The following ZNF154 variants were observed in gnomAD, a reference collection of about 807,000 sequenced individuals.
ZNF154 encodes the protein zinc finger protein 154, also known as zinc finger protein 154 (pHZ-92).
A neutral mutation model predicts 7.5 loss-of-function variants in ZNF154; 6 were observed. The observed-to-expected ratio is 0.80, with a 90% CI of 0.44 to 1.57. The LOEUF (loss-of-function observed/expected upper bound fraction) is 1.57. Among genes scored for constraint, ZNF154 ranks in the 40% most tolerant of loss-of-function variants. The pLI, the probability that ZNF154 is intolerant of heterozygous loss-of-function variation, is 0.01. For synonymous variants in ZNF154, 187 were observed against 185.9 expected, an observed-to-expected ratio of 1.01 and a Z score of -0.05; for missense variants, 485 against 531.4, an observed-to-expected ratio of 0.91 and a Z score of 0.86.
Position 57,702,734 on chromosome 19 carries a change from C to A in ZNF154, c.215G>T (p.Gly72Val). Reference sequence around the variant, plus strand: ...GCAGGTCTTCACAAACAAGGCTCTGCCCACATTGCTTCTGAAATGTTTTTC... The same window carrying A: ...GCAGGTCTTCACAAACAAGGCTCTGACCACATTGCTTCTGAAATGTTTTTC... ...LGEKHFRSNV[G>V]RALFVKTCTF... Residue 72 changes from glycine to valine, a missense_variant, in exon 3 of 3, where the codon GGC (glycine) becomes GTC (valine). Physicochemically the swap from Gly to Val is moderately radical, Grantham distance 109 (BLOSUM62 -3). Transcript: ENST00000684351. 6.2e-7 allele frequency: 1 copy of A among 1,605,716 alleles called. No homozygotes were observed. Among genetic ancestry groups the A allele is most frequent in the Non-Finnish European group, 8.5e-7 (1 of 1,173,208 alleles).
chr19:57,704,837 G>A lies in ZNF154; in HGVS notation c.160+16C>T. 6.2e-7 allele frequency: 1 copy of A among 1,608,322 alleles called. No individual in the cohort carries two copies. The highest frequency in any genetic ancestry group is 8.5e-7 in the Non-Finnish European group (1 of 1,178,314). On this transcript the variant is annotated intron_variant, in intron 2 of 2. Coordinates refer to ENST00000684351, the MANE Select transcript of ZNF154 (RefSeq NM_001085384.3). ...CAGACTAGCTCAGGGCACAGGAAAGGGTAAAAGAACCTTACCTAGAGAGGT... is the reference window on the plus strand; with the variant it reads ...CAGACTAGCTCAGGGCACAGGAAAGAGTAAAAGAACCTTACCTAGAGAGGT...
rs890959760 is a variant in ZNF154, at chr19:57,704,855, A to G, written c.158T>C (p.Leu53Pro). 1 of 1,612,312 alleles carries G rather than the reference A, an allele frequency of 6.2e-7. No homozygotes were observed. The highest frequency in any genetic ancestry group is 8.5e-7 in the Non-Finnish European group (1 of 1,179,440). Residue 53 changes from leucine to proline, a missense_variant and splice_region_variant, in exon 2 of 3, where the codon CTA (leucine) becomes CCA (proline). By Grantham distance (98) the Leu-to-Pro change is moderately conservative. Transcript: ENST00000684351. ...AGGAAAGGGTAAAAGAACCTTACCT[A>G]GAGAGGTTAAAAGAGCCAAGTTCTC... ...MLENLALLTS[L>P]DVHHQKQHLG...
intron 1 of ZNF154, among the ~76,000 whole-genome samples, chr19:57,706,378 A>G (rs1985392313): frequency 6.6e-6 from 1 of 152,156 alleles, no homozygotes; most frequent in African/African-American, 2.4e-5. Flanking sequence ...CTCAGCAGTA[A>G]CAACCTTCCT....
intron 1 of ZNF154, among the ~76,000 whole-genome samples, chr19:57,706,502 C>T (rs1289664946): frequency 6.6e-6 from 1 of 152,222 alleles, no homozygotes; most frequent in Non-Finnish European, 1.5e-5. Flanking sequence ...AATAAACACC[C>T]TAGGCCCCAT....
At position 57,701,884 on chromosome 19, in the gene ZNF154, C is replaced by A. The variant is rs561745534; in HGVS notation, c.1065G>T (p.Arg355Ser). The A allele has an allele frequency of 6.2e-7, 1 of 1,614,058 alleles. No individual in the cohort carries two copies. The highest frequency in any genetic ancestry group is 1.3e-5 in the African/African-American group (1 of 74,988). Residue 355 changes from arginine (R) to serine (S), a missense_variant, in exon 3 of 3, where the codon AGG (arginine) becomes AGT (serine). By Grantham distance (110) the Arg-to-Ser change is moderately radical. Transcript: ENST00000684351. Reference protein sequence around the residue: ...LQHRGVHTGERPYECSECGKF... With the variant: ...LQHRGVHTGESPYECSECGKF... ...TCCCACATTCACTGCACTCATAAGG[C>A]CTCTCCCCAGTGTGAACTCCCCGAT...
chr19:57,701,755 G>A lies in ZNF154; in HGVS notation c.1194C>T (p.Ser398=), dbSNP rs772585903. Residue 398 remains serine (S), a synonymous_variant, in exon 3 of 3, where the codon TCC becomes TCT. Transcript: ENST00000684351. ...GAACCCTCCTGTGCTTAATGAGGCC[G>A]GAATTTTGAGTAAAGGATTTCCCAC... ...SECGKSFTQN[S]GLIKHRRVHT... The A allele has an allele frequency of 1.5e-5, 24 of 1,612,780 alleles. 1 individual carries two copies. The highest frequency in any genetic ancestry group is 5.4e-5 in the African/African-American group (4 of 74,514).
Position 57,701,958 on chromosome 19 carries a change from A to C in ZNF154, c.991T>G (p.Cys331Gly), listed in dbSNP as rs1367823054. 1 of 1,612,600 alleles carries C rather than the reference A, an allele frequency of 6.2e-7. No individual in the cohort carries two copies. Among genetic ancestry groups the C allele is most frequent in the Non-Finnish European group, 8.5e-7 (1 of 1,179,826 alleles). ...CTAAAGGATTTCCCACATTCGCTGC[A>C]CTTATAAGGCCTTTCTCCAGTGTGA... ...RVHTGERPYKCSECGKSFSQR... is the reference protein window; with the variant it reads ...RVHTGERPYKGSECGKSFSQR... The change falls in exon 3 of 3, where the codon TGC becomes GGC. Residue 331 changes from cysteine (C) to glycine (G), a missense_variant. Physicochemically the swap from Cys to Gly is radical, Grantham distance 159. Coordinates refer to ENST00000684351, the MANE Select transcript of ZNF154 (RefSeq NM_001085384.3).
chr19:57,703,785 G>A (rs1410717733), intron 2 of ZNF154, among the ~76,000 whole-genome samples: 2 of 152,154 alleles, frequency 1.3e-5, no homozygotes, highest in African/African-American at 2.4e-5. Context: ...GCCAAGGTGG[G>A]TGGATCACAA....
At chr19:57,707,591 A>G (rs1351271152) in intron 1 of ZNF154, among the ~76,000 whole-genome samples, 1 of 152,124 alleles carries the variant, frequency 6.6e-6, no homozygotes, top group Non-Finnish European at 1.5e-5. Context: ...GGACCCTGTT[A>G]GGACTTTGGT....
rs749659652 is a variant in ZNF154 at position 57,701,655 on chromosome 19, G to A, written c.1294C>T (p.Gln432Ter). ...FSHNSSLIKH[Q>*]RIHSR The stretch of plus-strand genomic sequence containing the variant: ...GGCTTTTATCGACTATGAATTCTCT[G>A]ATGTTTAATAAGGCTGGAGTTATGG... Residue 432 changes from glutamine (Q) to a stop codon, truncating the protein, a stop_gained, in exon 3 of 3, where the codon CAG becomes TAG. Coordinates refer to ENST00000684351, the MANE Select transcript of ZNF154 (RefSeq NM_001085384.3). LOFTEE classifies it low-confidence loss of function (END_TRUNC). The A allele has an allele frequency of 1.9e-6, 3 of 1,612,284 alleles. No individual in the cohort carries two copies. In the Admixed American group the frequency reaches 5.0e-5, roughly 27 times the overall value.
rs766188861 is a variant in ZNF154, at chr19:57,701,821, C to G, written c.1128G>C (p.Gln376His). 5 of 1,614,168 alleles carry G rather than the reference C, an allele frequency of 3.1e-6. No homozygotes were observed. Among genetic ancestry groups the G allele is most frequent in the Non-Finnish European group, 3.4e-6 (4 of 1,180,032 alleles). The part of the protein sequence containing the change: ...FPYSSSLRKH[Q>H]RVHTGSRPYE... ...AGGGTCTTGATCCAGTGTGAACTCTCTGGTGTTTTCGGAGACTGGAGCTGT... is the reference window on the plus strand; with the variant it reads ...AGGGTCTTGATCCAGTGTGAACTCTGTGGTGTTTTCGGAGACTGGAGCTGT... Residue 376 changes from glutamine (Q) to histidine (H), a missense_variant, in exon 3 of 3, where the codon CAG becomes CAC. Gln to His is a conservative substitution (Grantham distance 24). Coordinates refer to ENST00000684351, the MANE Select transcript of ZNF154 (RefSeq NM_001085384.3).
At position 57,699,286 on chromosome 19, in the gene ZNF154, A is replaced by G. The variant is rs925937918; in HGVS notation, c.*2349T>C. 1 of 153,260 alleles carries G rather than the reference A, an allele frequency of 6.5e-6. No homozygotes were observed. The highest frequency in any genetic ancestry group is 2.4e-5 in the African/African-American group (1 of 40,834). 9.5% of individuals were successfully genotyped at this position (153,260 alleles called of 1,614,324 possible). On this transcript the variant is annotated 3_prime_UTR_variant, in exon 3 of 3. Transcript: ENST00000684351. The stretch of plus-strand genomic sequence containing the variant: ...TATTTTTAGTAGAGATGAGGTTTCA[A>G]TATGTTGGTCAGGCTGGTCTCTAAC...
rs745736899 is a variant in ZNF154 at position 57,702,112 on chromosome 19, C to G, written c.837G>C (p.Gly279=). Reference sequence around the variant, plus strand: ...GACTGGAATGATATGTAAAAAACTTCCCACATTCACTGCACTCATAAGGCC... The same window carrying G: ...GACTGGAATGATATGTAAAAAACTTGCCACATTCACTGCACTCATAAGGCC... ...GERPYECSEC[G]KFFTYHSSLI... The change falls in exon 3 of 3, where the codon GGG becomes GGC. Residue 279 remains glycine, a synonymous_variant. Coordinates refer to ENST00000684351, the MANE Select transcript of ZNF154 (RefSeq NM_001085384.3). The G allele has an allele frequency of 5.0e-6, 8 of 1,613,104 alleles. No individual in the cohort carries two copies. Among genetic ancestry groups the G allele is most frequent in the Non-Finnish European group, 6.8e-6 (8 of 1,179,898 alleles).
At position 57,709,010 on chromosome 19, in the gene ZNF154, G is replaced by A; in HGVS notation, c.-39C>T. 2 of 1,552,448 alleles carry A rather than the reference G, an allele frequency of 1.3e-6. No individual in the cohort carries two copies. The highest frequency in any genetic ancestry group is 1.7e-6 in the Non-Finnish European group (2 of 1,148,410). The stretch of plus-strand genomic sequence containing the variant: ...TAGAGCTGGGCCGGGAGCGACGGGC[G>A]ACATTGGTAGGGACCCGGGGACAGC... On this transcript the variant is annotated 5_prime_UTR_variant, in exon 1 of 3. Coordinates refer to ENST00000684351, the MANE Select transcript of ZNF154 (RefSeq NM_001085384.3).
chr19:57,705,042 C>A, intron 1 of ZNF154, 63 bp from the exon 2 acceptor site: 3 of 1,546,188 alleles, frequency 1.9e-6, no homozygotes, highest in Non-Finnish European at 2.6e-6. Flanking sequence ...ACAATGCATA[C>A]CCCCACATCT....
chr19:57,706,807 A>T (rs1411441671), intron 1 of ZNF154, among the ~76,000 whole-genome samples: 1 of 152,200 alleles, frequency 6.6e-6, no homozygotes, highest in Non-Finnish European at 1.5e-5. Flanking sequence ...CTGTACCACC[A>T]TGCCTAAAGA....
chr19:57,698,067 G>GAATATA lies in ZNF154; in HGVS notation c.*3567_*3568insTATATT, dbSNP rs1179513032. On this transcript the variant is annotated 3_prime_UTR_variant, in exon 3 of 3. Transcript: ENST00000684351. Reference sequence around the variant, plus strand: ...AAATATCCATAACAAATGAATGAATGAATAAACGAATACTGGTATATCCAC... The same window carrying GAATATA: ...AAATATCCATAACAAATGAATGAATGAATATAAATAAACGAATACTGGTATATCCAC... 3 of 151,854 alleles carry GAATATA rather than the reference G, an allele frequency of 2.0e-5. No homozygotes were observed. Among genetic ancestry groups the GAATATA allele is most frequent in the Non-Finnish European group, 4.4e-5 (3 of 67,948 alleles). 9.4% of individuals were successfully genotyped at this position (151,854 alleles called of 1,614,324 possible).
Position 57,699,413 on chromosome 19 carries a change from G to T in ZNF154, c.*2222C>A. The stretch of plus-strand genomic sequence containing the variant: ...GATTTTCTTACTTGAGTTCCCAATG[G>T]GTCGTAAAGCAGCAGAGACAACTCA... On this transcript the variant is annotated 3_prime_UTR_variant, in exon 3 of 3. Coordinates refer to ENST00000684351, the MANE Select transcript of ZNF154 (RefSeq NM_001085384.3). The T allele has an allele frequency of 3.7e-6, 1 of 268,038 alleles. No individual in the cohort carries two copies. The highest frequency in any genetic ancestry group is 1.1e-4 in the East Asian group (1 of 9,056). 16.6% of individuals were successfully genotyped at this position (268,038 alleles called of 1,614,324 possible). A position where few individuals can be genotyped will look rare whatever the true frequency, so the allele number is the denominator to read the frequency against.
At chr19:57,705,600 A>G (rs1379142078) in intron 1 of ZNF154, among the ~76,000 whole-genome samples, 4 of 152,050 alleles carry the variant, frequency 2.6e-5, no homozygotes, top group Non-Finnish European at 5.9e-5. Flanking sequence ...CTAAAAATAC[A>G]AAAATTAGCC....
Sources: gnomAD v4.1 joint callset for allele counts (sites outside exome capture counted in the v4.1 genomes callset) on GRCh38, gnomAD v4.1.1 for gene constraint, MANE v1.5 for transcripts, NCBI Gene and HGNC (gene_info 2026-07-23, HGNC 2026-07-21) for gene names.